The following RNGTT variants were observed in gnomAD, a reference collection of about 807,000 sequenced individuals.
The protein encoded by RNGTT is RNA guanylyltransferase and 5'-phosphatase, also known as mRNA-capping enzyme.
A neutral mutation model predicts 79.3 loss-of-function variants in RNGTT; 33 were observed. The observed-to-expected ratio is 0.42, with a 90% confidence interval of 0.32 to 0.56. The LOEUF (loss-of-function observed/expected upper bound fraction) is 0.56. RNGTT is among the 20% of genes least tolerant of loss of function. The pLI is 0.17. For synonymous variants in RNGTT, 222 were observed against 235.9 expected (o/e 0.94, Z 0.54); for missense variants, 497 against 739.1 (o/e 0.67, Z 3.80).
At chr6:88,848,003 A>G (rs540683304) in intron 10 of RNGTT, among the ~76,000 whole-genome samples, 1 of 152,120 alleles carries the variant, frequency 6.6e-6, no homozygotes, top group African/African-American at 2.4e-5. Context: ...AATCAGGGAA[A>G]AAAACAGACA....
At chr6:88,942,302 CT>C (rs1784877183) in intron 1 of RNGTT, among the ~76,000 whole-genome samples, 1 of 152,000 alleles carries the variant, frequency 6.6e-6, no homozygotes, top group East Asian at 1.9e-4. Flanking sequence ...ACCTTTTTTT[CT>C]GAATGACAGT....
chr6:88,646,601 C>T (rs1359476410), intron 14 of RNGTT, among the ~76,000 whole-genome samples: 2 of 152,120 alleles, frequency 1.3e-5, no homozygotes, highest in African/African-American at 4.8e-5. Flanking sequence ...CCCAAATGTC[C>T]ACCAATGATA....
At chr6:88,839,141 C>A (rs1781177886) in intron 11 of RNGTT, among the ~76,000 whole-genome samples, 2 of 151,090 alleles carry the variant, frequency 1.3e-5, no homozygotes, top group South Asian at 4.2e-4. Context: ...CATACTGATA[C>A]AATGAAAATC....
intron 14 of RNGTT, among the ~76,000 whole-genome samples, chr6:88,668,778 C>T (rs888002797): frequency 4.6e-5 from 7 of 152,038 alleles, no homozygotes; most frequent in African/African-American, 1.7e-4. Context: ...GAAAAAGGAG[C>T]TCCCAAACAA....
At chr6:88,705,970 T>C (rs532247891) in intron 13 of RNGTT, among the ~76,000 whole-genome samples, 4 of 151,926 alleles carry the variant, frequency 2.6e-5, no homozygotes, top group Non-Finnish European at 4.4e-5. Context: ...TTTGGGGCAG[T>C]AGGAAGAATG....
chr6:88,943,083 T>C (rs1479495171), intron 1 of RNGTT, among the ~76,000 whole-genome samples: 1 of 152,190 alleles, frequency 6.6e-6, no homozygotes, highest in African/African-American at 2.4e-5. Flanking sequence ...TGGTGTCTCA[T>C]CTAGTCTCAT....
intron 13 of RNGTT, among the ~76,000 whole-genome samples, chr6:88,750,312 T>C (rs1336470290): frequency 1.3e-5 from 2 of 152,156 alleles, no homozygotes; most frequent in African/African-American, 4.8e-5. Context: ...AAGGGTAATA[T>C]GGTAAGACCA....
At chr6:88,832,429 T>C (rs910305313) in intron 11 of RNGTT, among the ~76,000 whole-genome samples, 9 of 152,048 alleles carry the variant, frequency 5.9e-5, no homozygotes, top group African/African-American at 2.2e-4. Flanking sequence ...ATACAAAAAT[T>C]AACTCAAGAT....
At chr6:88,890,622 T>C (rs1241285209) in intron 7 of RNGTT, 26 bp from the exon 8 acceptor site, 3 of 1,514,990 alleles carry the variant, frequency 2.0e-6, no homozygotes, top group Non-Finnish European at 2.7e-6. Context: ...AGTATTACTA[T>C]CGTGGCTGGT....
Position 88,701,163 on chromosome 6 carries a change from T to C in RNGTT, c.1440-22744A>G, listed in dbSNP as rs566086458. On this transcript the variant is annotated intron_variant, in intron 13 of 15. Transcript: ENST00000369485. ...TAAAGAAGAAGAAGAAGAAGGTAGA[T>C]GGATAGAGGGGAAGGCAGAGACTCA... 9.2e-4 allele frequency among the ~76,000 whole-genome samples: 140 copies of C among 151,786 alleles called. 1 individual carries two copies. The highest frequency in any genetic ancestry group is 3.3e-3 in the African/African-American group (136 of 41,422).
chr6:88,812,436 G>T (rs1307340278), intron 11 of RNGTT, among the ~76,000 whole-genome samples: 1 of 152,168 alleles, frequency 6.6e-6, no homozygotes, highest in African/African-American at 2.4e-5. Flanking sequence ...CTTTTCATCA[G>T]ATTTCTAATT....
At chr6:88,689,558 C>T (rs1775402553) in intron 13 of RNGTT, among the ~76,000 whole-genome samples, 2 of 148,366 alleles carry the variant, frequency 1.3e-5, no homozygotes, top group African/African-American at 5.1e-5. Flanking sequence ...CGCGCCATTG[C>T]ACTCCAGCCT....
At chr6:88,956,449 G>A (rs905276289) in intron 1 of RNGTT, among the ~76,000 whole-genome samples, 5 of 152,072 alleles carry the variant, frequency 3.3e-5, no homozygotes, top group Non-Finnish European at 2.9e-5. Context: ...TGGATTCACA[G>A]CTGAATTCTA....
chr6:88,939,787 G>T (rs1274618477), intron 2 of RNGTT, among the ~76,000 whole-genome samples: 1 of 150,238 alleles, frequency 6.7e-6, no homozygotes, highest in African/African-American at 2.4e-5. Context: ...TTGAGACACG[G>T]TCACACTATC....
intron 13 of RNGTT, among the ~76,000 whole-genome samples, chr6:88,752,406 T>C (rs930266858): frequency 1.3e-5 from 2 of 152,126 alleles, no homozygotes; most frequent in African/African-American, 4.8e-5. Flanking sequence ...ACTTGGAGTG[T>C]CTAGCAATAA....
intron 1 of RNGTT, among the ~76,000 whole-genome samples, chr6:88,941,443 T>C (rs552673222): frequency 6.6e-6 from 1 of 152,184 alleles, no homozygotes; most frequent in African/African-American, 2.4e-5. Flanking sequence ...AATTTTTGTG[T>C]TTTTAGTAGA....
At chr6:88,913,214 C>CAAAAAAAAAAAAAAAAAA (rs58717773) in intron 4 of RNGTT, among the ~76,000 whole-genome samples, 2 of 65,530 alleles carry the variant, frequency 3.1e-5, no homozygotes, top group Non-Finnish European at 7.2e-5. Context: ...CAAAAAAAAA[C>CAAAAAAAAAAAAAAAAAA]AAAAAAAAAA....
chr6:88,931,187 T>TAAAAAAAAAAAAAA (rs34070183), intron 2 of RNGTT, among the ~76,000 whole-genome samples: 2 of 101,934 alleles, frequency 2.0e-5, no homozygotes, highest in Non-Finnish European at 1.9e-5. Flanking sequence ...TATAAAGCTG[T>TAAAAAAAAAAAAAA]AAAAAAAAAA....
At chr6:88,767,437 A>G (rs1778498138) in intron 13 of RNGTT, among the ~76,000 whole-genome samples, 1 of 152,084 alleles carries the variant, frequency 6.6e-6, no homozygotes. Flanking sequence ...TTTTACTACT[A>G]GAGAAATGAG....
Sources: gnomAD v4.1 joint callset for allele counts (sites outside exome capture counted in the v4.1 genomes callset) on GRCh38, gnomAD v4.1.1 for gene constraint, MANE v1.5 for transcripts, NCBI Gene and HGNC (gene_info 2026-07-23, HGNC 2026-07-21) for gene names.